The following SIK2 variants were observed in gnomAD, a reference collection of about 807,000 sequenced individuals.
The protein encoded by SIK2 is salt inducible kinase 2.
A neutral mutation model predicts 103.2 loss-of-function variants in SIK2; 29 were observed. The ratio of observed to expected loss-of-function variants is 0.28; its 90% CI spans 0.21 to 0.38. The LOEUF (loss-of-function observed/expected upper bound fraction) is 0.38, where lower values mean the gene tolerates loss of function less well. Among genes scored for constraint, SIK2 ranks in the 10% least tolerant of loss-of-function variants. The pLI, the probability that SIK2 is intolerant of heterozygous loss-of-function variation, is 1.00. For missense variants in SIK2, 879 were observed against 1,171.0 expected, an observed-to-expected ratio of 0.75 and a Z score of 3.64; for synonymous variants, 412 against 446.1, an observed-to-expected ratio of 0.92 and a Z score of 0.96.
chr11:111,720,501 A>C lies in SIK2; in HGVS notation c.1519A>C (p.Ser507Arg). The change falls in exon 11 of 15, where the codon AGC (serine) becomes CGC (arginine). Residue 507 changes from serine to arginine, a missense_variant. Transcript: ENST00000304987. ...AGGGAAAATTTTCTCCATGAATGAC[A>C]GCCCCTCCCTTGACAGTGTGGACTC... Reference protein sequence around the residue: ...GAGKIFSMNDSPSLDSVDSEY... With the variant: ...GAGKIFSMNDRPSLDSVDSEY... The C allele has an allele frequency of 6.2e-7, 1 of 1,602,512 alleles. No individual in the cohort carries two copies. Among genetic ancestry groups the C allele is most frequent in the Non-Finnish European group, 8.5e-7 (1 of 1,175,880 alleles).
intron 3 of SIK2, among the ~76,000 whole-genome samples, chr11:111,660,616 T>C (rs1942454612): frequency 6.6e-6 from 1 of 152,196 alleles, no homozygotes; most frequent in Non-Finnish European, 1.5e-5. Flanking sequence ...CTTCCTCAGA[T>C]TTTCCATAAT....
intron 2 of SIK2, among the ~76,000 whole-genome samples, chr11:111,619,665 C>A (rs1430596346): frequency 1.3e-5 from 2 of 152,126 alleles, no homozygotes; most frequent in African/African-American, 2.4e-5. Context: ...TTTAAATAGA[C>A]TTCTATTTAG....
Position 111,610,486 on chromosome 11 carries a change from T to TA in SIK2, c.136-5740dup, listed in dbSNP as rs373176733. 5.9e-3 allele frequency among the ~76,000 whole-genome samples: 637 copies of TA among 108,458 alleles called. 4 individuals are homozygous for TA. Among genetic ancestry groups the TA allele is most frequent in the Middle Eastern group, 0.011 (2 of 184 alleles). 71.2% of individuals were successfully genotyped at this position (108,458 alleles called of 152,430 possible). A position where few individuals can be genotyped will look rare whatever the true frequency, so the allele number is the denominator to read the frequency against. ...AGCAGTGACAGAGCAAGACTCTGTC[T>TA]AAAAAAAAAAAAAAAAAGATAACAA... On this transcript the variant is annotated intron_variant, in intron 1 of 14. Transcript: ENST00000304987.
intron 3 of SIK2, among the ~76,000 whole-genome samples, chr11:111,678,722 T>G (rs1283809599): frequency 6.6e-6 from 1 of 152,248 alleles, no homozygotes; most frequent in African/African-American, 2.4e-5. Context: ...TTTTATGTTG[T>G]AAGTACTAGG....
intron 9 of SIK2, among the ~76,000 whole-genome samples, chr11:111,715,767 T>A (rs958692231): frequency 6.7e-6 from 1 of 148,334 alleles, no homozygotes; most frequent in African/African-American, 2.5e-5. Context: ...TACATACATA[T>A]ACACGCACAC....
intron 3 of SIK2, among the ~76,000 whole-genome samples, chr11:111,626,869 A>G (rs1026873762): frequency 2.6e-5 from 4 of 152,156 alleles, no homozygotes; most frequent in Non-Finnish European, 5.9e-5. Context: ...AAGATTCCTT[A>G]TACTGCTCCA....
intron 3 of SIK2, among the ~76,000 whole-genome samples, chr11:111,673,426 G>T (rs2135882215): frequency 6.6e-6 from 1 of 152,290 alleles, no homozygotes; most frequent in Middle Eastern, 3.4e-3. Context: ...AACTACCATA[G>T]GTGGAGATCC....
chr11:111,605,546 T>C lies in SIK2; in HGVS notation c.135+2848T>C, dbSNP rs181678446. ...ATACTTATTGACGATAAAAGTTTCT[T>C]TATATACTATGCTTTAACATCGATA... On this transcript the variant is annotated intron_variant, in intron 1 of 14. Transcript: ENST00000304987. Among the ~76,000 whole-genome samples, 70 of 152,336 alleles carry C rather than the reference T, an allele frequency of 4.6e-4. 1 individual carries two copies. The highest frequency in any genetic ancestry group is 1.5e-3 in the African/African-American group (64 of 41,576).
In SIK2 at chr11:111,723,810, AGCAGCC is replaced by A; in HGVS notation, c.2465_2470del (p.Gln822_Pro823del). 6.2e-7 allele frequency: 1 copy of A among 1,612,614 alleles called. No individual in the cohort carries two copies. The highest frequency in any genetic ancestry group is 1.3e-5 in the African/African-American group (1 of 75,034). ...CCTCTGCCCACGCAGCTACAGCAGC[AGCAGCC>A]GCCACCGCCACCACCCCCTCCACCA... On this transcript the variant is annotated inframe_deletion, in exon 15 of 15. Coordinates refer to ENST00000304987, the MANE Select transcript of SIK2 (RefSeq NM_015191.3).
At position 111,728,631 on chromosome 11, in the gene SIK2, A is replaced by AGAC. The variant is rs1441073314; in HGVS notation, c.*4503_*4505dup. On this transcript the variant is annotated 3_prime_UTR_variant, in exon 15 of 15. Transcript: ENST00000304987. ...ACTTATCTTCAGAGCAATGTATGAA[A>AGAC]GACAAGAGCAGTATCAGCCGGGCGC... is the stretch of plus-strand genomic sequence containing the variant. The AGAC allele has an allele frequency of 6.6e-6, 1 of 151,918 alleles. No homozygotes were observed. The highest frequency in any genetic ancestry group is 2.4e-5 in the African/African-American group (1 of 41,370). The allele number at this position is 151,918 out of a possible 1,614,324, so 9.4% of individuals were successfully genotyped here.
chr11:111,643,006 AT>A (rs1007615580), intron 3 of SIK2, among the ~76,000 whole-genome samples: 2 of 152,110 alleles, frequency 1.3e-5, no homozygotes, highest in Non-Finnish European at 2.9e-5. Flanking sequence ...CTCAGTTCAG[AT>A]TTCACTTTAT....
intron 3 of SIK2, among the ~76,000 whole-genome samples, chr11:111,630,847 T>C (rs1229549374): frequency 6.6e-6 from 1 of 152,108 alleles, no homozygotes; most frequent in Non-Finnish European, 1.5e-5. Context: ...GGGAGAAAGA[T>C]ATTATAAAAC....
intron 8 of SIK2, 130 bp from the exon 9 acceptor site, chr11:111,712,081 C>A: frequency 1.0e-6 from 1 of 972,886 alleles, no homozygotes; most frequent in Admixed American, 2.4e-5. Flanking sequence ...CTAAATCTTT[C>A]TGGAGTTTCC....
At position 111,602,665 on chromosome 11, in the gene SIK2, G is replaced by T. The variant is rs145459443; in HGVS notation, c.102G>T (p.Val34=). ...GTLGKGNFAV[V]KLGRHRITKT... ...TGGGCAAGGGCAACTTCGCTGTGGTGAAGCTGGGGCGGCACCGGATCACCA... is the reference window on the plus strand; with the variant it reads ...TGGGCAAGGGCAACTTCGCTGTGGTTAAGCTGGGGCGGCACCGGATCACCA... The change falls in exon 1 of 15, where the codon GTG becomes GTT. Residue 34 remains valine, a synonymous_variant. Coordinates refer to ENST00000304987, the MANE Select transcript of SIK2 (RefSeq NM_015191.3). The surrounding 1 kb of genome is among the most constrained non-coding windows in gnomAD (Gnocchi z 4.5). 45 of 1,530,572 alleles carry T rather than the reference G, an allele frequency of 2.9e-5. No homozygotes were observed. Among genetic ancestry groups the T allele is most frequent in the Non-Finnish European group, 4.0e-5 (45 of 1,137,760 alleles). The allele number at this position is 1,530,572 out of a possible 1,614,324, so 94.8% of individuals were successfully genotyped here.
chr11:111,724,371 C>G lies in SIK2; in HGVS notation c.*242C>G. ...GTTGTAGGCTGAGGCTCCTGCCCTTCGGTCGAGTGGAGCAAGCTCTCGAGG... is the reference window on the plus strand; with the variant it reads ...GTTGTAGGCTGAGGCTCCTGCCCTTGGGTCGAGTGGAGCAAGCTCTCGAGG... On this transcript the variant is annotated 3_prime_UTR_variant, in exon 15 of 15. Transcript: ENST00000304987. 1.8e-6 allele frequency: 1 copy of G among 547,394 alleles called. No individual in the cohort carries two copies. The highest frequency in any genetic ancestry group is 3.2e-6 in the Non-Finnish European group (1 of 311,628). 33.9% of individuals were successfully genotyped at this position (547,394 alleles called of 1,614,324 possible).
intron 3 of SIK2, among the ~76,000 whole-genome samples, chr11:111,655,296 A>G (rs918401205): frequency 1.4e-4 from 22 of 152,042 alleles, no homozygotes; most frequent in African/African-American, 5.3e-4. Flanking sequence ...CAGCTACTCA[A>G]GAGGCTGAGA....
At chr11:111,687,930 A>T (rs1942868865) in intron 3 of SIK2, 71 bp from the exon 4 acceptor site, 4 of 1,554,962 alleles carry the variant, frequency 2.6e-6, no homozygotes, top group Non-Finnish European at 3.5e-6. Context: ...TGAGGAAAAA[A>T]ATTTCCTGAC....
At chr11:111,706,959 CAAA>C (rs763828886) in intron 8 of SIK2, among the ~76,000 whole-genome samples, 5 of 52,074 alleles carry the variant, frequency 9.6e-5, no homozygotes, top group Admixed American at 2.0e-4. Flanking sequence ...GACTCCGTCT[CAAA>C]AAAAAAAAAA....
At position 111,614,420 on chromosome 11, in the gene SIK2, A is replaced by C. The variant is rs531310047; in HGVS notation, c.136-1823A>C. On this transcript the variant is annotated intron_variant, in intron 1 of 14. Transcript: ENST00000304987. ...AAATTTAACTAATAGCCTACTGTTCACTGGAAGCCTTACCAATAACAGAAA... is the reference window on the plus strand; with the variant it reads ...AAATTTAACTAATAGCCTACTGTTCCCTGGAAGCCTTACCAATAACAGAAA... Among the ~76,000 whole-genome samples, 11 of 152,268 alleles carry C rather than the reference A, an allele frequency of 7.2e-5. No individual in the cohort carries two copies. In the South Asian group the frequency reaches 2.3e-3, roughly 32 times the overall value.
Sources: allele counts gnomAD v4.1 joint callset (sites outside exome capture counted in the v4.1 genomes callset), GRCh38; gene constraint gnomAD v4.1.1; non-coding constraint Gnocchi (gnomAD v3.1); transcripts MANE v1.5; gene names NCBI Gene and HGNC (gene_info 2026-07-23, HGNC 2026-07-21).